The following COL23A1 variants were observed in gnomAD, a reference collection of about 807,000 sequenced individuals.
COL23A1 encodes collagen type XXIII alpha 1 chain, also known as collagen alpha-1(XXIII) chain.
In COL23A1, 97 loss-of-function variants were observed where a neutral mutation model predicts 99.3. That is an observed-to-expected ratio of 0.98 (90% CI 0.83 to 1.16). The LOEUF (loss-of-function observed/expected upper bound fraction) is 1.16. COL23A1 is among the 50% of genes most tolerant of loss of function. The probability of loss-of-function intolerance (pLI) is 0.00; values close to 1 mark genes in which losing one functional copy is unlikely to be tolerated. For missense variants in COL23A1, 762 were observed against 757.4 expected, an observed-to-expected ratio of 1.01 and a Z score of -0.07; for synonymous variants, 320 against 308.2, an observed-to-expected ratio of 1.04 and a Z score of -0.40.
At chr5:178,258,262 T>TATATATATATATATATATACATAC in intron 12 of COL23A1, among the ~76,000 whole-genome samples, 2 of 104,066 alleles carry the variant, frequency 1.9e-5, no homozygotes, top group East Asian at 2.5e-4. Context: ...TATATATATA[T>TATATATATATATATATATACATAC]ACACATGCAA....
chr5:178,254,112 C>G (rs1411299685), intron 16 of COL23A1, among the ~76,000 whole-genome samples: 1 of 151,964 alleles, frequency 6.6e-6, no homozygotes, highest in African/African-American at 2.4e-5. Flanking sequence ...TGCAGTGAGC[C>G]GAGATCACAC....
intron 2 of COL23A1, among the ~76,000 whole-genome samples, chr5:178,369,214 G>A (rs1045134540): frequency 6.6e-6 from 1 of 152,160 alleles, no homozygotes; most frequent in Non-Finnish European, 1.5e-5. Flanking sequence ...CCTGTCCAGG[G>A]GAGACGAACA....
In COL23A1 at chr5:178,313,422, C is replaced by T. The variant is rs754553239; in HGVS notation, c.362-6503G>A. Reference sequence around the variant, plus strand: ...CCCAGGGGTCTCAGCTACCCCTGAGCGAGGCTGTGAGCCGGGCCGTCCTGA... The same window carrying T: ...CCCAGGGGTCTCAGCTACCCCTGAGTGAGGCTGTGAGCCGGGCCGTCCTGA... On this transcript the variant is annotated intron_variant, in intron 2 of 28. Transcript: ENST00000390654. This position sits in a 1 kb window ranked among gnomAD's most constrained non-coding sequence, Gnocchi z 4.2. 2.0e-5 allele frequency among the ~76,000 whole-genome samples: 3 copies of T among 152,154 alleles called. No homozygotes were observed. The highest frequency in any genetic ancestry group is 4.4e-5 in the Non-Finnish European group (3 of 68,022).
At chr5:178,496,124 GT>G (rs991483659) in intron 2 of COL23A1, among the ~76,000 whole-genome samples, 6 of 152,274 alleles carry the variant, frequency 3.9e-5, no homozygotes, top group African/African-American at 1.4e-4. Context: ...GAACGAGCTT[GT>G]CCAGGGTACC....
rs1766072439 is a variant in COL23A1 at position 178,428,485 on chromosome 5, G to A, written c.362-121566C>T. ...TCCTTGTGACAAGGACTGAGTGAGT[G>A]TCCGGAGTGACTGCCAGCTGGGCCT... On this transcript the variant is annotated intron_variant, in intron 2 of 28. Coordinates refer to ENST00000390654, the MANE Select transcript of COL23A1 (RefSeq NM_173465.4). The surrounding 1 kb of genome is among the most constrained non-coding windows in gnomAD (Gnocchi z 5.0). 6.6e-6 allele frequency among the ~76,000 whole-genome samples: 1 copy of A among 152,226 alleles called. No individual in the cohort carries two copies. The highest frequency in any genetic ancestry group is 1.5e-5 in the Non-Finnish European group (1 of 68,040).
intron 2 of COL23A1, among the ~76,000 whole-genome samples, chr5:178,538,566 A>G (rs1337052494): frequency 6.6e-6 from 1 of 152,266 alleles, no homozygotes; most frequent in Non-Finnish European, 1.5e-5. Flanking sequence ...TTTGCAAACC[A>G]CATTTTGAGT....
intron 3 of COL23A1, among the ~76,000 whole-genome samples, chr5:178,293,316 C>T (rs189425577): frequency 4.8e-4 from 73 of 151,984 alleles, no homozygotes; most frequent in African/African-American, 1.7e-3. Flanking sequence ...CAGATGGGGG[C>T]CTGGACAGTC....
chr5:178,271,936 C>T (rs961759854), intron 5 of COL23A1, among the ~76,000 whole-genome samples: 42 of 152,318 alleles, frequency 2.8e-4, no homozygotes, highest in African/African-American at 1.0e-3. Context: ...GGCCCCTGAC[C>T]GGTGGCCTTC....
chr5:178,542,274 G>A (rs1348689194), intron 2 of COL23A1, among the ~76,000 whole-genome samples: 1 of 152,048 alleles, frequency 6.6e-6, no homozygotes, highest in Non-Finnish European at 1.5e-5. Flanking sequence ...GGCTGGTCTC[G>A]CCCGCCTCAG....
At chr5:178,325,333 C>CCTGGCCAAGGCCCTT (rs1554138635) in intron 2 of COL23A1, among the ~76,000 whole-genome samples, 3 of 151,676 alleles carry the variant, frequency 2.0e-5, no homozygotes, top group African/African-American at 7.3e-5. Context: ...GGACAGCGCT[C>CCTGGCCAAGGCCCTT]CCTGGCCAGC....
chr5:178,437,118 C>T (rs984483438), intron 2 of COL23A1, among the ~76,000 whole-genome samples: 18 of 152,252 alleles, frequency 1.2e-4, no homozygotes, highest in African/African-American at 4.1e-4. Flanking sequence ...TTATCTAATT[C>T]CTGGTGGGAG....
chr5:178,430,222 G>A (rs950057368), intron 2 of COL23A1, among the ~76,000 whole-genome samples: 6 of 152,130 alleles, frequency 3.9e-5, no homozygotes, highest in Non-Finnish European at 7.4e-5. Flanking sequence ...TCCCGAGAAC[G>A]ATCACACCCC....
chr5:178,370,232 C>T (rs189644069), intron 2 of COL23A1, among the ~76,000 whole-genome samples: 43 of 152,288 alleles, frequency 2.8e-4, no homozygotes, highest in Non-Finnish European at 4.3e-4. Flanking sequence ...AAAGCCAGGC[C>T]GCTGGCCTGC....
At chr5:178,533,905 G>A (rs1760790783) in intron 2 of COL23A1, among the ~76,000 whole-genome samples, 1 of 152,142 alleles carries the variant, frequency 6.6e-6, no homozygotes, top group African/African-American at 2.4e-5. Context: ...CCTTAGGGAG[G>A]CTTCAGTGGA....
intron 5 of COL23A1, among the ~76,000 whole-genome samples, chr5:178,276,956 C>T (rs911532380): frequency 6.6e-6 from 1 of 152,226 alleles, no homozygotes. Flanking sequence ...ACTTGCCCCT[C>T]ATGTGCTCCT....
Position 178,424,392 on chromosome 5 carries a change from G to A in COL23A1, c.362-117473C>T, listed in dbSNP as rs138317779. Among the ~76,000 whole-genome samples, 172 of 152,346 alleles carry A rather than the reference G, an allele frequency of 1.1e-3. 1 individual carries two copies. Among genetic ancestry groups the A allele is most frequent in the African/African-American group, 3.9e-3 (161 of 41,580 alleles). ...GGGCAAGCACTGTGCTCTGCGGGAC[G>A]CACACACGGAACAGCCAGGCTTCAG... On this transcript the variant is annotated intron_variant, in intron 2 of 28. Coordinates refer to ENST00000390654, the MANE Select transcript of COL23A1 (RefSeq NM_173465.4).
chr5:178,358,306 ATG>A (rs144233519), intron 2 of COL23A1, among the ~76,000 whole-genome samples: 2,497 of 134,760 alleles, frequency 0.019, 71 homozygotes, highest in African/African-American at 0.062. Flanking sequence ...GTATGTATGT[ATG>A]TGTGTGTATG....
Position 178,258,262 on chromosome 5 carries a change from T to TATAC in COL23A1, c.730-696_730-695insGTAT. Among the ~76,000 whole-genome samples the TATAC allele has an allele frequency of 8.9e-3, 930 of 104,124 alleles. 99 individuals carry two copies. Among genetic ancestry groups the TATAC allele is most frequent in the Non-Finnish European group, 0.01 (467 of 44,830 alleles). 68.3% of individuals were successfully genotyped at this position (104,124 alleles called of 152,430 possible). On this transcript the variant is annotated intron_variant, in intron 12 of 28. Coordinates refer to ENST00000390654, the MANE Select transcript of COL23A1 (RefSeq NM_173465.4). ...ATATATATATATATATATATATATA[T>TATAC]ACACATGCAAATCAATTCTAGGCAC... is the stretch of plus-strand genomic sequence containing the variant.
At chr5:178,247,674 G>C in intron 21 of COL23A1, 101 bp downstream of exon 21, 1 of 1,550,998 alleles carries the variant, frequency 6.4e-7, no homozygotes. Context: ...CCTGAACGAA[G>C]AAGCCCGCTC....
Sources: gnomAD v4.1 joint callset for allele counts (sites outside exome capture counted in the v4.1 genomes callset) on GRCh38, gnomAD v4.1.1 for gene constraint, Gnocchi (gnomAD v3.1) non-coding constraint, MANE v1.5 for transcripts, NCBI Gene and HGNC (gene_info 2026-07-23, HGNC 2026-07-21) for gene names.